Variants in CAMK1D observed in about 807,000 individuals in gnomAD.
The protein encoded by CAMK1D is calcium/calmodulin-dependent protein kinase type 1D.
CAMK1D carries 9 observed loss-of-function variants against 47.7 expected under a neutral mutation model. The ratio of observed to expected loss-of-function variants is 0.19; its 90% CI spans 0.11 to 0.33. The LOEUF (loss-of-function observed/expected upper bound fraction) is 0.33. Among genes scored for constraint, CAMK1D ranks in the 10% least tolerant of loss-of-function variants. CAMK1D has a pLI of 1.00. For missense variants in CAMK1D, 291 were observed against 488.7 expected (o/e 0.60, Z 3.81); for synonymous variants, 184 against 184.9 (o/e 0.99, Z 0.04).
intron 7 of CAMK1D, 109 bp downstream of exon 7, chr10:12,814,416 A>G: frequency 1.6e-6 from 1 of 635,438 alleles, no homozygotes; most frequent in Non-Finnish European, 2.8e-6. Context: ...AACAGTCCTG[A>G]GGGTCCTGTC....
chr10:12,597,638 C>T (rs1002691000), intron 2 of CAMK1D, among the ~76,000 whole-genome samples: 3 of 152,266 alleles, frequency 2.0e-5, no homozygotes, highest in East Asian at 1.9e-4. Context: ...TGTGGGGAGC[C>T]GGTTCCTTCC....
At chr10:12,764,464 A>G (rs1440145784) in intron 4 of CAMK1D, among the ~76,000 whole-genome samples, 1 of 150,722 alleles carries the variant, frequency 6.6e-6, no homozygotes, top group Non-Finnish European at 1.5e-5. Flanking sequence ...TCTTCAAAAC[A>G]GCATTTTATT....
intron 2 of CAMK1D, among the ~76,000 whole-genome samples, chr10:12,663,833 T>C (rs541137553): frequency 1.3e-5 from 2 of 152,244 alleles, no homozygotes; most frequent in South Asian, 4.2e-4. Flanking sequence ...TGCACTAAAA[T>C]AATGTTAAAA....
rs200532386 is a variant in CAMK1D, at chr10:12,564,153, C to G, written c.224+10797C>G. On this transcript the variant is annotated intron_variant, in intron 2 of 10. Coordinates refer to ENST00000619168, the MANE Select transcript of CAMK1D (RefSeq NM_153498.4). Reference sequence around the variant, plus strand: ...TCTCTCTCTCTCTCTCTCTGTCTCTCTCTCTCTCTCTCTCTCTCTCTCTCT... The same window carrying G: ...TCTCTCTCTCTCTCTCTCTGTCTCTGTCTCTCTCTCTCTCTCTCTCTCTCT... Among the ~76,000 whole-genome samples, 450 of 85,808 alleles carry G rather than the reference C, an allele frequency of 5.2e-3. 17 individuals are homozygous for G. The East Asian group carries it at 0.073, about 14-fold the overall frequency. 56.3% of individuals were successfully genotyped at this position (85,808 alleles called of 152,430 possible).
At chr10:12,362,434 T>A (rs1333531908) in intron 1 of CAMK1D, among the ~76,000 whole-genome samples, 2 of 152,174 alleles carry the variant, frequency 1.3e-5, no homozygotes, top group Non-Finnish European at 2.9e-5. Context: ...GTGTCTGATA[T>A]AAAATGGTGT....
chr10:12,525,763 T>G (rs1006227409), intron 1 of CAMK1D, among the ~76,000 whole-genome samples: 9 of 152,108 alleles, frequency 5.9e-5, no homozygotes, highest in African/African-American at 2.2e-4. Flanking sequence ...CCTGTGTACT[T>G]TTTTGTTTTT....
chr10:12,561,709 G>A (rs1016715793), intron 2 of CAMK1D, among the ~76,000 whole-genome samples: 3 of 152,186 alleles, frequency 2.0e-5, no homozygotes, highest in African/African-American at 7.2e-5. Context: ...CAACTTTCTA[G>A]ACAAGAGAGA....
intron 2 of CAMK1D, among the ~76,000 whole-genome samples, chr10:12,631,142 G>A (rs901583927): frequency 6.6e-6 from 1 of 152,172 alleles, no homozygotes; most frequent in East Asian, 1.9e-4. Flanking sequence ...ATGAAACTGG[G>A]TAATGGAGTT....
chr10:12,559,594 T>C (rs1334292553), intron 2 of CAMK1D, among the ~76,000 whole-genome samples: 3 of 152,076 alleles, frequency 2.0e-5, no homozygotes, highest in Admixed American at 6.5e-5. Context: ...AGGAGAGGCT[T>C]CATTGAGAGG....
intron 1 of CAMK1D, among the ~76,000 whole-genome samples, chr10:12,472,608 G>A (rs1226717039): frequency 3.9e-5 from 6 of 151,932 alleles, no homozygotes; most frequent in African/African-American, 1.4e-4. Flanking sequence ...CACTGTAACC[G>A]CCTCCTGGGT....
chr10:12,373,259 GCCGT>G (rs1174193621), intron 1 of CAMK1D, among the ~76,000 whole-genome samples: 5 of 151,338 alleles, frequency 3.3e-5, no homozygotes, highest in Admixed American at 1.3e-4. Flanking sequence ...GCTGCAGTGA[GCCGT>G]GATCACGCCA....
At chr10:12,368,942 C>G (rs1368702373) in intron 1 of CAMK1D, among the ~76,000 whole-genome samples, 1 of 152,064 alleles carries the variant, frequency 6.6e-6, no homozygotes, top group Non-Finnish European at 1.5e-5. Context: ...CTCAGGCTCC[C>G]GAGTAGCTGG....
intron 1 of CAMK1D, among the ~76,000 whole-genome samples, chr10:12,427,520 G>A (rs1175860451): frequency 5.9e-5 from 9 of 151,986 alleles, no homozygotes; most frequent in African/African-American, 2.2e-4. Context: ...TGGCCTCCCC[G>A]GACAGGGAGA....
At chr10:12,404,751 G>A (rs1306507374) in intron 1 of CAMK1D, among the ~76,000 whole-genome samples, 1 of 151,324 alleles carries the variant, frequency 6.6e-6, no homozygotes, top group Non-Finnish European at 1.5e-5. Context: ...CCGGAGTGCA[G>A]TGGCATGATC....
At chr10:12,793,379 G>T (rs1049530935) in intron 6 of CAMK1D, among the ~76,000 whole-genome samples, 1 of 152,174 alleles carries the variant, frequency 6.6e-6, no homozygotes, top group African/African-American at 2.4e-5. Flanking sequence ...CAGCCTTGGG[G>T]TGGGGCATTG....
At chr10:12,482,024 T>TAA (rs1802499077) in intron 1 of CAMK1D, among the ~76,000 whole-genome samples, 1 of 152,262 alleles carries the variant, frequency 6.6e-6, no homozygotes, top group Non-Finnish European at 1.5e-5. Flanking sequence ...CACATCTTTC[T>TAA]TGCAGGCTGG....
chr10:12,642,634 C>T (rs1166945199), intron 2 of CAMK1D, among the ~76,000 whole-genome samples: 1 of 152,192 alleles, frequency 6.6e-6, no homozygotes, highest in Non-Finnish European at 1.5e-5. Flanking sequence ...AAAATTCCTA[C>T]CAATAATGAG....
chr10:12,452,412 A>G (rs1430582830), intron 1 of CAMK1D, among the ~76,000 whole-genome samples: 1 of 151,808 alleles, frequency 6.6e-6, no homozygotes, highest in Non-Finnish European at 1.5e-5. Flanking sequence ...CTGAATAAAT[A>G]TTTATACATT....
intron 3 of CAMK1D, among the ~76,000 whole-genome samples, chr10:12,706,909 A>G (rs1456215437): frequency 6.6e-6 from 1 of 151,918 alleles, no homozygotes; most frequent in African/African-American, 2.4e-5. Context: ...ATATATCAGC[A>G]TGATGGCCAT....
Sources: gnomAD v4.1 joint callset for allele counts (sites outside exome capture counted in the v4.1 genomes callset) on GRCh38, gnomAD v4.1.1 for gene constraint, MANE v1.5 for transcripts, NCBI Gene and HGNC (gene_info 2026-07-23, HGNC 2026-07-21) for gene names.